Variants in PCDH11X observed in about 807,000 individuals in gnomAD.
PCDH11X encodes the protein protocadherin 11 X-linked, also known as protocadherin-11 X-linked.
In PCDH11X, 18 loss-of-function variants were observed where a neutral mutation model predicts 53.3. The observed-to-expected ratio is 0.34, with a 90% CI of 0.23 to 0.50. The LOEUF (loss-of-function observed/expected upper bound fraction) is 0.50, where lower values mean the gene tolerates loss of function less well. PCDH11X is among the 20% of genes least tolerant of loss of function. PCDH11X has a pLI of 0.98. For missense variants in PCDH11X, 570 were observed against 1,032.4 expected (o/e 0.55, Z 6.14); for synonymous variants, 279 against 393.3 (o/e 0.71, Z 3.44).
intron 7 of PCDH11X, among the ~76,000 whole-genome samples, chrX:92,209,299 G>A (rs910671415): frequency 2.7e-5 from 3 of 111,568 alleles, no homozygotes; most frequent in Admixed American, 9.6e-5. Flanking sequence ...CTATTAATCC[G>A]TAAAATTTTT....
intron 6 of PCDH11X, among the ~76,000 whole-genome samples, chrX:91,972,781 G>A (rs1280451391): frequency 9.1e-6 from 1 of 110,187 alleles, no homozygotes; most frequent in Non-Finnish European, 1.9e-5. Flanking sequence ...TTATTTCTGA[G>A]GGCTCTGTTC....
At chrX:92,542,282 T>C (rs1013426751) in intron 10 of PCDH11X, among the ~76,000 whole-genome samples, 14 of 111,453 alleles carry the variant, frequency 1.3e-4, no homozygotes, top group Non-Finnish European at 7.5e-5. Context: ...TAAATATCAC[T>C]TTTGCGTCAA....
At chrX:92,015,218 C>G (rs2062770308) in intron 6 of PCDH11X, among the ~76,000 whole-genome samples, 3 of 111,323 alleles carry the variant, frequency 2.7e-5, no homozygotes, top group African/African-American at 9.8e-5. Flanking sequence ...TTACAGGACA[C>G]TGTGAGATAT....
chrX:92,545,082 C>G (rs2074823856), intron 10 of PCDH11X, among the ~76,000 whole-genome samples: 3 of 111,279 alleles, frequency 2.7e-5, no homozygotes, highest in Non-Finnish European at 5.6e-5. Context: ...CAAATGCATG[C>G]TTCCATGTGG....
In PCDH11X at chrX:92,013,777, T is replaced by C. The variant is rs1349564546; in HGVS notation, c.3033+134504T>C. 8.1e-5 allele frequency among the ~76,000 whole-genome samples: 9 copies of C among 111,645 alleles called. No homozygotes were observed. In the South Asian group the frequency reaches 2.3e-3, roughly 28 times the overall value. On this transcript the variant is annotated intron_variant, in intron 6 of 10. Coordinates refer to ENST00000682573, the MANE Select transcript of PCDH11X (RefSeq NM_032968.5). ...TGACAAACCTGACAAAAACAAGAAA[T>C]GGGGAAAGGATTCCCTATTTAATAA...
chrX:92,260,510 C>T lies in PCDH11X; in HGVS notation c.3115-2604C>T, dbSNP rs544741767. 6.3e-5 allele frequency among the ~76,000 whole-genome samples: 7 copies of T among 110,839 alleles called. No homozygotes were observed. In the South Asian group the frequency reaches 2.3e-3, roughly 37 times the overall value. ...GCGATTCAGGACTGTTTTTTTCTATCGCTCCAATGCCTCTTTCAGGGATAC... is the reference window on the plus strand; with the variant it reads ...GCGATTCAGGACTGTTTTTTTCTATTGCTCCAATGCCTCTTTCAGGGATAC... On this transcript the variant is annotated intron_variant, in intron 7 of 10. Transcript: ENST00000682573.
intron 8 of PCDH11X, among the ~76,000 whole-genome samples, chrX:92,379,198 G>C (rs748232768): frequency 2.3e-4 from 26 of 112,967 alleles, no homozygotes; most frequent in Admixed American, 2.2e-3. Context: ...CAGGTATCCT[G>C]TGCTCTTGGG....
chrX:92,185,485 G>A (rs1282344665), intron 6 of PCDH11X, among the ~76,000 whole-genome samples: 1 of 110,949 alleles, frequency 9.0e-6, no homozygotes, highest in Non-Finnish European at 1.9e-5. Context: ...AAAAGCGCAG[G>A]CAACAAAGCA....
At chrX:91,894,629 T>C (rs1195626878) in intron 6 of PCDH11X, among the ~76,000 whole-genome samples, 2 of 111,448 alleles carry the variant, frequency 1.8e-5, no homozygotes, top group Non-Finnish European at 3.8e-5. Context: ...AAAGGTACAA[T>C]AACAATATTC....
chrX:92,207,273 T>C (rs1373733273), intron 7 of PCDH11X, among the ~76,000 whole-genome samples: 3 of 111,598 alleles, frequency 2.7e-5, no homozygotes, highest in African/African-American at 9.8e-5. Context: ...GCACATGCCA[T>C]ATGTATATGT....
At chrX:92,056,351 A>G (rs2063449409) in intron 6 of PCDH11X, among the ~76,000 whole-genome samples, 1 of 111,018 alleles carries the variant, frequency 9.0e-6, no homozygotes, top group Non-Finnish European at 1.9e-5. Flanking sequence ...GTATCTGTTC[A>G]TGTCCTTTGC....
chrX:92,180,489 T>C (rs1223306880), intron 6 of PCDH11X, among the ~76,000 whole-genome samples: 1 of 111,294 alleles, frequency 9.0e-6, no homozygotes, highest in African/African-American at 3.3e-5. Flanking sequence ...ATCTTCCCTA[T>C]CTAGTCTCTT....
At chrX:92,094,739 AC>A (rs1196776081) in intron 6 of PCDH11X, among the ~76,000 whole-genome samples, 43 of 111,859 alleles carry the variant, frequency 3.8e-4, no homozygotes, top group African/African-American at 1.3e-3. Flanking sequence ...ATTCACTAGG[AC>A]AATATGCTAT....
intron 6 of PCDH11X, among the ~76,000 whole-genome samples, chrX:91,965,144 G>C (rs1166622963): frequency 1.8e-5 from 2 of 111,439 alleles, no homozygotes; most frequent in African/African-American, 6.6e-5. Context: ...CTAGAGGAAA[G>C]TTATGACAAT....
chrX:92,237,127 T>C (rs1265734022), intron 7 of PCDH11X, among the ~76,000 whole-genome samples: 1 of 111,372 alleles, frequency 9.0e-6, no homozygotes, highest in African/African-American at 3.2e-5. Context: ...CAGCTAAACT[T>C]GATCTTTTAT....
rs895804338 is a variant in PCDH11X at position 92,621,867 on chromosome X, G to C, written c.*2927G>C. ...TGAATGACTTATATGAGAATAATAC[G>C]TTCAATCAAAGTAGTTATTCTATTT... On this transcript the variant is annotated 3_prime_UTR_variant, in exon 11 of 11. Transcript: ENST00000682573. 1.2e-4 allele frequency: 13 copies of C among 110,748 alleles called. No homozygotes were observed. Among genetic ancestry groups the C allele is most frequent in the African/African-American group, 4.3e-4 (13 of 30,420 alleles). 9.1% of individuals were successfully genotyped at this position (110,748 alleles called of 1,213,427 possible).
intron 6 of PCDH11X, among the ~76,000 whole-genome samples, chrX:92,105,331 G>C (rs200515522): frequency 1.8e-5 from 2 of 110,947 alleles, no homozygotes; most frequent in Admixed American, 1.9e-4. Context: ...GGGCTGGTCG[G>C]TCTGAGGACC....
chrX:92,129,401 G>GCCAAAAAAGAGTCTCTT (rs2064930982), intron 6 of PCDH11X, among the ~76,000 whole-genome samples: 1 of 111,323 alleles, frequency 9.0e-6, no homozygotes, highest in Non-Finnish European at 1.9e-5. Context: ...CCACCTCCGT[G>GCCAAAAAAGAGTCTCTT]CCAAAAAAGA....
At chrX:92,365,263 T>A (rs1267914246) in intron 8 of PCDH11X, among the ~76,000 whole-genome samples, 2 of 99,193 alleles carry the variant, frequency 2.0e-5, no homozygotes, top group Admixed American at 2.2e-4. Context: ...AAAATAACAA[T>A]TAAAGGTATA....
Sources: gnomAD v4.1 joint callset for allele counts (sites outside exome capture counted in the v4.1 genomes callset) on GRCh38, gnomAD v4.1.1 for gene constraint, MANE v1.5 for transcripts, NCBI Gene and HGNC (gene_info 2026-07-23, HGNC 2026-07-21) for gene names.